GRM7: variants seen among roughly 807,000 people sequenced by gnomAD.
The protein encoded by GRM7 is metabotropic glutamate receptor 7.
In GRM7, 35 loss-of-function variants were observed where a neutral mutation model predicts 84.5. The ratio of observed to expected loss-of-function variants is 0.41; its 90% CI spans 0.32 to 0.55. The LOEUF is 0.55. Ranked by LOEUF, GRM7 falls within the 20% of genes least tolerant of loss-of-function variation. The pLI is 0.19. For synonymous variants in GRM7, 487 were observed against 455.1 expected (o/e 1.07, Z -0.89); for missense variants, 1,003 against 1,194.6 (o/e 0.84, Z 2.36).
intron 4 of GRM7, chr3:7,403,229 C>G: frequency 2.5e-6 from 1 of 392,842 alleles, no homozygotes; most frequent in Non-Finnish European, 5.2e-6. Context: ...GTGCTAAATA[C>G]ATTATTCTGT....
At chr3:6,973,501 A>C (rs1693849031) in intron 1 of GRM7, among the ~76,000 whole-genome samples, 1 of 152,186 alleles carries the variant, frequency 6.6e-6, no homozygotes, top group Admixed American at 6.5e-5. Context: ...ATTTACATAT[A>C]TAGTAAAATA....
intron 1 of GRM7, among the ~76,000 whole-genome samples, chr3:6,954,177 A>G (rs1171683937): frequency 6.6e-6 from 1 of 152,142 alleles, no homozygotes; most frequent in African/African-American, 2.4e-5. Flanking sequence ...TCAAGTCAGG[A>G]TATTCAGGGT....
intron 1 of GRM7, among the ~76,000 whole-genome samples, chr3:7,075,496 A>ATGTGTGTGTGTGTGTGTG (rs376048569): frequency 2.9e-5 from 4 of 138,490 alleles, no homozygotes; most frequent in African/African-American, 1.1e-4. Flanking sequence ...TGCTTCTCAG[A>ATGTGTGTGTGTGTGTGTG]TGTGTGTGTG....
intron 4 of GRM7, among the ~76,000 whole-genome samples, chr3:7,394,943 C>T (rs975550470): frequency 1.3e-5 from 2 of 151,254 alleles, no homozygotes; most frequent in Admixed American, 1.3e-4. Flanking sequence ...GAGGCTGAGG[C>T]AGGAGAGTTG....
rs115011224 is a variant in GRM7 at position 7,328,374 on chromosome 3, C to G, written c.1033+21722C>G. Among the ~76,000 whole-genome samples, 797 of 152,276 alleles carry G rather than the reference C, an allele frequency of 5.2e-3. 7 individuals carry two copies. Among genetic ancestry groups the G allele is most frequent in the African/African-American group, 0.018 (737 of 41,568 alleles). ...TTGTGTGCCCCCAAACCATTTCCAA[C>G]CGATTCTTCACTGCTAGGTACTTAA... On this transcript the variant is annotated intron_variant, in intron 4 of 9. Transcript: ENST00000357716.
At chr3:7,657,167 C>A (rs1699240790) in intron 8 of GRM7, among the ~76,000 whole-genome samples, 1 of 152,144 alleles carries the variant, frequency 6.6e-6, no homozygotes, top group Non-Finnish European at 1.5e-5. Context: ...ACCCAAAATA[C>A]CCTTGTTGTA....
At chr3:7,021,609 T>C (rs1268272084) in intron 1 of GRM7, among the ~76,000 whole-genome samples, 1 of 152,190 alleles carries the variant, frequency 6.6e-6, no homozygotes, top group Non-Finnish European at 1.5e-5. Context: ...CTACCTAGAA[T>C]ATCTTAGAGC....
At chr3:7,158,453 C>G (rs1694522907) in intron 2 of GRM7, among the ~76,000 whole-genome samples, 1 of 152,088 alleles carries the variant, frequency 6.6e-6, no homozygotes, top group Non-Finnish European at 1.5e-5. Context: ...CTGGTAAACC[C>G]TCCCCTTAGT....
At chr3:7,690,561 C>A (rs908711809) in intron 9 of GRM7, among the ~76,000 whole-genome samples, 3 of 152,094 alleles carry the variant, frequency 2.0e-5, no homozygotes, top group African/African-American at 7.2e-5. Context: ...ATGTACAGCT[C>A]CTGAAATGGG....
chr3:7,492,352 G>T (rs10222432), intron 7 of GRM7, among the ~76,000 whole-genome samples: 15,621 of 152,030 alleles, frequency 0.1, 883 homozygotes, highest in Non-Finnish European at 0.11. Context: ...CACTTTTTTT[G>T]TAGTTTTTAA....
At chr3:7,593,584 T>A (rs2125065109) in intron 8 of GRM7, among the ~76,000 whole-genome samples, 1 of 152,264 alleles carries the variant, frequency 6.6e-6, no homozygotes, top group East Asian at 1.9e-4. Context: ...GAGGTGCTCT[T>A]CAAGCACAAA....
At chr3:7,441,752 C>A (rs1444477440) in intron 5 of GRM7, among the ~76,000 whole-genome samples, 3 of 152,032 alleles carry the variant, frequency 2.0e-5, no homozygotes, top group Admixed American at 6.6e-5. Flanking sequence ...TCCCATTGGT[C>A]ATTTTTGTCA....
chr3:7,579,511 A>T lies in GRM7; in HGVS notation c.2451+154A>T, dbSNP rs139325577. 5.5e-4 allele frequency: 310 copies of T among 560,256 alleles called. 3 individuals are homozygous for T. The East Asian group carries it at 8.8e-3, about 16-fold the overall frequency. The allele number at this position is 560,256 out of a possible 1,614,324, so 34.7% of individuals were successfully genotyped here. A position where few individuals can be genotyped will look rare whatever the true frequency, so the allele number is the denominator to read the frequency against. ...CTAATTCAAGGTCTAGTAGGCTTCA[A>T]TGCTACAAGAGTCTAAAACTGAGCC... On this transcript the variant is annotated intron_variant, in intron 8 of 9. Transcript: ENST00000357716.
At chr3:7,444,555 A>G (rs1022169198) in intron 5 of GRM7, among the ~76,000 whole-genome samples, 13 of 152,282 alleles carry the variant, frequency 8.5e-5, no homozygotes, top group Admixed American at 8.5e-4. Context: ...CATTACCCAC[A>G]ACAAATTGCT....
chr3:6,899,916 C>G (rs544061038), intron 1 of GRM7, among the ~76,000 whole-genome samples: 1 of 152,098 alleles, frequency 6.6e-6, no homozygotes, highest in Non-Finnish European at 1.5e-5. Context: ...AAACCCATTT[C>G]TAAAATTCTC....
intron 4 of GRM7, among the ~76,000 whole-genome samples, chr3:7,377,022 A>G (rs1027316109): frequency 1.3e-5 from 2 of 152,232 alleles, no homozygotes; most frequent in Admixed American, 6.5e-5. Flanking sequence ...CTGGAGACAA[A>G]GTAGACCCAA....
rs548885939 is a variant in GRM7 at position 7,323,650 on chromosome 3, T to C, written c.1033+16998T>C. Among the ~76,000 whole-genome samples, 20 of 152,238 alleles carry C rather than the reference T, an allele frequency of 1.3e-4. 2 individuals carry two copies. The South Asian group carries it at 4.1e-3, about 32-fold the overall frequency. On this transcript the variant is annotated intron_variant, in intron 4 of 9. Transcript: ENST00000357716. ...TTCTTATACTCTTTTCTTTGAGATA[T>C]TAGAAAAATACAAAAAACTAATTTG...
intron 2 of GRM7, among the ~76,000 whole-genome samples, chr3:7,147,645 C>A (rs1468014686): frequency 6.6e-6 from 1 of 152,094 alleles, no homozygotes; most frequent in Non-Finnish European, 1.5e-5. Flanking sequence ...AGAAATAAAG[C>A]GCTTCCGGAT....
intron 1 of GRM7, chr3:6,956,696 G>A (rs1040824032): frequency 4.9e-5 from 22 of 451,262 alleles, no homozygotes; most frequent in Non-Finnish European, 8.0e-5. Flanking sequence ...AACTCCAAAC[G>A]CCTGAAAAAA....
Sources: allele counts gnomAD v4.1 joint callset (sites outside exome capture counted in the v4.1 genomes callset), GRCh38; gene constraint gnomAD v4.1.1; transcripts MANE v1.5; gene names NCBI Gene and HGNC (gene_info 2026-07-23, HGNC 2026-07-21).